Variants in CDON observed in about 807,000 individuals in gnomAD.
CDON encodes the protein cell adhesion molecule-related/down-regulated by oncogenes.
In CDON, 73 loss-of-function variants were observed where a neutral mutation model predicts 120.9. The observed-to-expected ratio is 0.60, with a 90% CI of 0.50 to 0.73. The LOEUF is 0.73. CDON is among the 30% of genes least tolerant of loss of function. CDON has a pLI of 0.00. For synonymous variants in CDON, 566 were observed against 573.5 expected (o/e 0.99, Z 0.19); for missense variants, 1,470 against 1,587.3 (o/e 0.93, Z 1.26).
intron 18 of CDON, among the ~76,000 whole-genome samples, 176 bp from the exon 19 acceptor site, chr11:125,962,174 T>C (rs530185932): frequency 6.6e-6 from 1 of 152,342 alleles, no homozygotes; most frequent in South Asian, 2.1e-4. Flanking sequence ...TTCAAAATGA[T>C]AGTGAAAGTG....
Position 126,032,262 on chromosome 11 carries a change from T to C in CDON, c.-61-8725A>G, listed in dbSNP as rs185502164. ...GTGAAGACTTCTCAGAGGAAACAAC[T>C]GACTAGGTGAAATCAGAGGGATACG... On this transcript the variant is annotated intron_variant, in intron 1 of 19. Transcript: ENST00000531738. 2.0e-3 allele frequency among the ~76,000 whole-genome samples: 288 copies of C among 147,148 alleles called. 2 individuals carry two copies. Among genetic ancestry groups the C allele is most frequent in the African/African-American group, 7.2e-3 (267 of 36,950 alleles).
intron 7 of CDON, among the ~76,000 whole-genome samples, chr11:126,014,392 A>G (rs1947397894): frequency 6.6e-6 from 1 of 152,206 alleles, no homozygotes; most frequent in Non-Finnish European, 1.5e-5. Flanking sequence ...CAGATTGGCA[A>G]AGACTTTAAA....
At chr11:126,028,233 G>A (rs1349096361) in intron 1 of CDON, among the ~76,000 whole-genome samples, 5 of 151,832 alleles carry the variant, frequency 3.3e-5, no homozygotes, top group African/African-American at 1.2e-4. Flanking sequence ...CCTATAGATA[G>A]CATGTCAACA....
chr11:126,032,965 A>G (rs1947984230), intron 1 of CDON, among the ~76,000 whole-genome samples: 1 of 152,128 alleles, frequency 6.6e-6, no homozygotes, highest in Non-Finnish European at 1.5e-5. Context: ...CTATGATCGC[A>G]CCACTGTACT....
At position 126,001,671 on chromosome 11, in the gene CDON, CA is replaced by C. The variant is rs779496822; in HGVS notation, c.2158+47del. ...CCACCCCACCTCCCAAAATCTGAAG[CA>C]GGTCAGTTATATTTGTAAAGAAACA... On this transcript the variant is annotated intron_variant, in intron 11 of 19. Transcript: ENST00000531738. The C allele has an allele frequency of 1.3e-5, 20 of 1,569,466 alleles. 1 individual carries two copies. In the East Asian group the frequency reaches 1.6e-4, roughly 12 times the overall value.
chr11:125,983,234 AG>A (rs1458936708), intron 16 of CDON, among the ~76,000 whole-genome samples: 1 of 152,246 alleles, frequency 6.6e-6, no homozygotes, highest in Non-Finnish European at 1.5e-5. Context: ...CAGGAAAAGT[AG>A]GACAGTGAGG....
chr11:125,958,042 G>C lies in CDON; in HGVS notation c.*2900C>G, dbSNP rs1945531688. Reference sequence around the variant, plus strand: ...TGGTAGACAGGGGGCGTCAAGGGGAGAAATGTGGACCTCTGGAAGACGAAG... The same window carrying C: ...TGGTAGACAGGGGGCGTCAAGGGGACAAATGTGGACCTCTGGAAGACGAAG... On this transcript the variant is annotated 3_prime_UTR_variant, in exon 20 of 20. Transcript: ENST00000531738. 6.6e-6 allele frequency: 1 copy of C among 152,244 alleles called. No individual in the cohort carries two copies. Among genetic ancestry groups the C allele is most frequent in the Admixed American group, 6.5e-5 (1 of 15,282 alleles). The allele number at this position is 152,244 out of a possible 1,614,324, so 9.4% of individuals were successfully genotyped here.
At chr11:126,018,204 T>C (rs1947527418) in intron 5 of CDON, 126 bp downstream of exon 5, 2 of 1,046,816 alleles carry the variant, frequency 1.9e-6, no homozygotes, top group Non-Finnish European at 2.9e-6. Context: ...CTAGCCTGTA[T>C]TTACTTTTTT....
At chr11:125,981,965 A>ATTTCCTTTTTTTTTTTTT (rs1946318366) in intron 16 of CDON, among the ~76,000 whole-genome samples, 3 of 34,426 alleles carry the variant, frequency 8.7e-5, no homozygotes, top group African/African-American at 2.5e-4. Context: ...AAGTGATTCT[A>ATTTCCTTTTTTTTTTTTT]TTTTCTTTTT....
intron 7 of CDON, among the ~76,000 whole-genome samples, chr11:126,013,908 A>G (rs994562162): frequency 6.6e-6 from 1 of 152,126 alleles, no homozygotes; most frequent in Non-Finnish European, 1.5e-5. Context: ...AGAAGGCTAT[A>G]AATTTCCTTT....
chr11:125,975,323 C>A (rs933042353), intron 18 of CDON, among the ~76,000 whole-genome samples: 2 of 152,350 alleles, frequency 1.3e-5, no homozygotes, highest in South Asian at 2.1e-4. Flanking sequence ...AGACTATGGA[C>A]TCTCTGAAGG....
At chr11:126,008,930 T>C (rs1024114847) in intron 8 of CDON, among the ~76,000 whole-genome samples, 3 of 152,234 alleles carry the variant, frequency 2.0e-5, no homozygotes, top group Admixed American at 6.5e-5. Flanking sequence ...ATCATAACTT[T>C]ATACTTAGTA....
At chr11:126,054,156 A>G (rs1056508266) in intron 1 of CDON, among the ~76,000 whole-genome samples, 1 of 152,218 alleles carries the variant, frequency 6.6e-6, no homozygotes, top group Non-Finnish European at 1.5e-5. Context: ...CAGTAAAATA[A>G]AAAATTCTAA....
At chr11:126,032,503 C>T (rs1947969955) in intron 1 of CDON, among the ~76,000 whole-genome samples, 1 of 152,026 alleles carries the variant, frequency 6.6e-6, no homozygotes, top group Non-Finnish European at 1.5e-5. Flanking sequence ...GGCTTTTATT[C>T]TGAGAGGAGG....
chr11:125,964,363 G>C (rs887659299), intron 18 of CDON, among the ~76,000 whole-genome samples: 1 of 152,218 alleles, frequency 6.6e-6, no homozygotes, highest in African/African-American at 2.4e-5. Context: ...AGAGTGAAGA[G>C]TGAAGCAGGA....
intron 8 of CDON, 124 bp downstream of exon 8, chr11:126,010,217 A>C: frequency 2.7e-6 from 2 of 735,280 alleles, no homozygotes; most frequent in East Asian, 2.7e-5. Flanking sequence ...TCTACATTTC[A>C]CTGTCATCAG....
intron 11 of CDON, among the ~76,000 whole-genome samples, chr11:126,000,127 C>A (rs986596222): frequency 2.6e-5 from 4 of 152,188 alleles, no homozygotes; most frequent in Non-Finnish European, 5.9e-5. Flanking sequence ...CGAGCATAAG[C>A]AATCAAAATT....
chr11:126,057,098 A>C (rs980702779), intron 1 of CDON, among the ~76,000 whole-genome samples: 1 of 152,194 alleles, frequency 6.6e-6, no homozygotes, highest in Non-Finnish European at 1.5e-5. Context: ...TATTTGGTTT[A>C]TGGAATTGTA....
chr11:126,035,668 A>T (rs1948074931), intron 1 of CDON, among the ~76,000 whole-genome samples: 1 of 152,188 alleles, frequency 6.6e-6, no homozygotes, highest in South Asian at 2.1e-4. Context: ...GTCTAAAATT[A>T]AGTAAAAACA....
Sources: gnomAD v4.1 joint callset for allele counts (sites outside exome capture counted in the v4.1 genomes callset) on GRCh38, gnomAD v4.1.1 for gene constraint, MANE v1.5 for transcripts, NCBI Gene and HGNC (gene_info 2026-07-23, HGNC 2026-07-21) for gene names.